ARHGAP30: variants seen among roughly 807,000 people sequenced by gnomAD.
ARHGAP30 encodes the protein Rho GTPase activating protein 30, also known as rho GTPase-activating protein 30.
In ARHGAP30, 23 loss-of-function variants were observed where a neutral mutation model predicts 72.0. That is an observed-to-expected ratio of 0.32 (90% confidence interval 0.23 to 0.45). The LOEUF is 0.45. ARHGAP30 is among the 20% of genes least tolerant of loss of function. ARHGAP30 has a pLI of 1.00. For synonymous variants in ARHGAP30, 576 were observed against 528.2 expected (o/e 1.09, Z -1.24); for missense variants, 1,319 against 1,383.4 (o/e 0.95, Z 0.74).
At chr1:161,052,165 T>C (rs1381891947) in intron 9 of ARHGAP30, 121 bp downstream of exon 9, 1 of 1,048,850 alleles carries the variant, frequency 9.5e-7, no homozygotes, top group African/African-American at 1.6e-5. Context: ...GGCTGGTATA[T>C]AATAGGCACT....
intron 1 of ARHGAP30, among the ~76,000 whole-genome samples, 159 bp from the exon 2 acceptor site, chr1:161,059,875 T>C (rs1381284787): frequency 6.6e-6 from 1 of 152,188 alleles, no homozygotes; most frequent in Non-Finnish European, 1.5e-5. Context: ...AGCTTCAACC[T>C]GCCAACCCCT....
intron 2 of ARHGAP30, 117 bp from the exon 3 acceptor site, chr1:161,056,649 G>T: frequency 8.8e-7 from 1 of 1,139,676 alleles, no homozygotes; most frequent in Non-Finnish European, 1.2e-6. Context: ...GGACTTGGAA[G>T]GAGAATGTTG....
chr1:161,055,890 TAAAA>T (rs1651824331), intron 3 of ARHGAP30, among the ~76,000 whole-genome samples: 1 of 109,050 alleles, frequency 9.2e-6, no homozygotes, highest in African/African-American at 4.8e-5. Context: ...TAAAAATAAA[TAAAA>T]TAAAATAAAA....
At chr1:161,049,390 A>G (rs1039321893) in intron 11 of ARHGAP30, 34 bp downstream of exon 11, 1 of 1,597,950 alleles carries the variant, frequency 6.3e-7, no homozygotes, top group Non-Finnish European at 8.5e-7. Context: ...CCTTGACTCC[A>G]TGCCACCCCC....
Position 161,048,660 on chromosome 1 carries a change from C to T in ARHGAP30, c.2361G>A (p.Gln787=). 1 of 1,614,138 alleles carries T rather than the reference C, an allele frequency of 6.2e-7. No individual in the cohort carries two copies. ...CTCTGACTCCCTCAGCCTCTTGTTT[C>T]TGTACAACTTCCCATTTCTCCTCAG... ...QVAEEKWEVV[Q]KQEAEGVRED... is the part of the protein sequence containing the mutation. The change falls in exon 12 of 12, where the codon CAG becomes CAA. Residue 787 remains glutamine, a synonymous_variant. Transcript: ENST00000368013.
intron 2 of ARHGAP30, among the ~76,000 whole-genome samples, chr1:161,057,941 C>T (rs1465925892): frequency 6.6e-6 from 1 of 152,096 alleles, no homozygotes; most frequent in Non-Finnish European, 1.5e-5. Context: ...CACCTGAGGT[C>T]GAGAGTTCAA....
chr1:161,059,761 G>C, intron 1 of ARHGAP30, 45 bp from the exon 2 acceptor site: 1 of 1,549,570 alleles, frequency 6.5e-7, no homozygotes, highest in South Asian at 1.2e-5. Context: ...AGAGGATCTG[G>C]GTGGTCAAAG....
chr1:161,066,328 C>T (rs781714220), intron 1 of ARHGAP30, among the ~76,000 whole-genome samples: 20 of 150,430 alleles, frequency 1.3e-4, no homozygotes, highest in Admixed American at 3.3e-4. Flanking sequence ...TGCCCATGCA[C>T]GGTCTTGAGT....
chr1:161,068,213 T>C (rs1051018230), intron 1 of ARHGAP30, among the ~76,000 whole-genome samples: 13 of 152,206 alleles, frequency 8.5e-5, no homozygotes, highest in Non-Finnish European at 1.2e-4. Flanking sequence ...TTAAATCTCA[T>C]AATCCTTGGC....
At chr1:161,059,782 G>A (rs1225093116) in intron 1 of ARHGAP30, 66 bp from the exon 2 acceptor site, 1 of 1,387,986 alleles carries the variant, frequency 7.2e-7, no homozygotes. Flanking sequence ...ACTGCACTGG[G>A]TCTGAGAAAT....
chr1:161,053,484 C>CTG, intron 5 of ARHGAP30, 99 bp from the exon 6 acceptor site: 1 of 1,229,510 alleles, frequency 8.1e-7, no homozygotes. Flanking sequence ...CTCTCTCTCT[C>CTG]TCTCTCTCTC....
intron 1 of ARHGAP30, among the ~76,000 whole-genome samples, chr1:161,067,655 G>A (rs1249935173): frequency 6.6e-6 from 1 of 152,148 alleles, no homozygotes; most frequent in Non-Finnish European, 1.5e-5. Flanking sequence ...CAGGGCTTAA[G>A]GAAGGAAGAG....
At chr1:161,050,054 T>G (rs1407941283) in intron 10 of ARHGAP30, among the ~76,000 whole-genome samples, 2 of 152,180 alleles carry the variant, frequency 1.3e-5, no homozygotes, top group African/African-American at 4.8e-5. Context: ...TCTACTTAAC[T>G]CTATAGCCCA....
chr1:161,047,123 C>G lies in ARHGAP30; in HGVS notation c.*592G>C, dbSNP rs891421660. The G allele has an allele frequency of 6.9e-6, 2 of 291,644 alleles. No homozygotes were observed. Among genetic ancestry groups the G allele is most frequent in the Middle Eastern group, 4.4e-4 (1 of 2,260 alleles). The allele number at this position is 291,644 out of a possible 1,614,324, so 18.1% of individuals were successfully genotyped here. The stretch of plus-strand genomic sequence containing the variant: ...CCAGAGAGATCTGTACAGGACCTCT[C>G]TTGCACATGGTGACTGGAGGCAGAG... On this transcript the variant is annotated 3_prime_UTR_variant, in exon 12 of 12. Coordinates refer to ENST00000368013, the MANE Select transcript of ARHGAP30 (RefSeq NM_001025598.2).
At position 161,049,359 on chromosome 1, in the gene ARHGAP30, G is replaced by T; in HGVS notation, c.1687-25C>A. On this transcript the variant is annotated intron_variant, in intron 11 of 11. Coordinates refer to ENST00000368013, the MANE Select transcript of ARHGAP30 (RefSeq NM_001025598.2). Reference sequence around the variant, plus strand: ...CCTGTAGGCACAGCATTGTGACTCAGGACCAGGAGGCCCTGTCCACCCTTG... The same window carrying T: ...CCTGTAGGCACAGCATTGTGACTCATGACCAGGAGGCCCTGTCCACCCTTG... The T allele has an allele frequency of 1.2e-6, 2 of 1,604,518 alleles. 1 individual carries two copies. The highest frequency in any genetic ancestry group is 3.3e-4 in the Middle Eastern group (2 of 6,006).
intron 3 of ARHGAP30, among the ~76,000 whole-genome samples, chr1:161,055,966 G>A (rs1651851155): frequency 6.7e-6 from 1 of 150,330 alleles, no homozygotes; most frequent in Non-Finnish European, 1.5e-5. Context: ...TACCAAAGAT[G>A]TTCAACGCAT....
intron 1 of ARHGAP30, among the ~76,000 whole-genome samples, chr1:161,065,393 C>G (rs1260625624): frequency 6.6e-6 from 1 of 152,128 alleles, no homozygotes; most frequent in Non-Finnish European, 1.5e-5. Flanking sequence ...TTCCTTCAAC[C>G]CAATTCCTTC....
chr1:161,064,250 C>A (rs1315092070), intron 1 of ARHGAP30, among the ~76,000 whole-genome samples: 2 of 152,196 alleles, frequency 1.3e-5, no homozygotes, highest in Non-Finnish European at 2.9e-5. Context: ...GTACTCTGTC[C>A]TTTTATTTCT....
At chr1:161,053,117 TA>T (rs1651541100) in intron 6 of ARHGAP30, 140 bp downstream of exon 6, 22 of 1,276,268 alleles carry the variant, frequency 1.7e-5, no homozygotes, top group Admixed American at 2.4e-5. Flanking sequence ...ACTGCACAAT[TA>T]TCTCCCCAGG....
Sources: gnomAD v4.1 joint callset for allele counts (sites outside exome capture counted in the v4.1 genomes callset) on GRCh38, gnomAD v4.1.1 for gene constraint, MANE v1.5 for transcripts, NCBI Gene and HGNC (gene_info 2026-07-23, HGNC 2026-07-21) for gene names.